Variants in TCP11L2 observed in about 807,000 individuals in gnomAD.
TCP11L2 encodes T-complex protein 11-like protein 2.
Under a neutral mutation model 50.7 loss-of-function variants are expected in TCP11L2, and 39 were observed. That is an observed-to-expected ratio of 0.77 (90% confidence interval 0.60 to 1.01). TCP11L2 has a LOEUF of 1.01. Ranked by LOEUF, TCP11L2 falls within the 50% of genes least tolerant of loss-of-function variation. The pLI is 0.00. For synonymous variants in TCP11L2, 192 were observed against 219.3 expected (o/e 0.88, Z 1.10); for missense variants, 612 against 614.7 (o/e 1.00, Z 0.05).
In TCP11L2 at chr12:106,311,176, A is replaced by G; in HGVS notation, c.101A>G (p.Glu34Gly). 1 of 1,614,172 alleles carries G rather than the reference A, an allele frequency of 6.2e-7. No homozygotes were observed. The highest frequency in any genetic ancestry group is 8.5e-7 in the Non-Finnish European group (1 of 1,180,034). The change falls in exon 2 of 10, where the codon GAA becomes GGA. Residue 34 changes from glutamate to glycine, a missense_variant. Transcript: ENST00000299045. ...AGCATGGCTTCGCTCAGTGACTATG[A>G]ATGCTCCAGGCAGAGCTTTGCAAGT... is the stretch of plus-strand genomic sequence containing the variant. Reference protein sequence around the residue: ...SESMASLSDYECSRQSFASDS... With the variant: ...SESMASLSDYGCSRQSFASDS...
chr12:106,329,339 A>G, intron 6 of TCP11L2: 4 of 1,536,122 alleles, frequency 2.6e-6, no homozygotes, highest in Non-Finnish European at 3.5e-6. Context: ...GGAAAAGCCG[A>G]GGTTGCAGGT....
intron 5 of TCP11L2, among the ~76,000 whole-genome samples, chr12:106,323,292 G>T (rs947898698): frequency 6.6e-6 from 1 of 152,062 alleles, no homozygotes; most frequent in Admixed American, 6.5e-5. Context: ...CATTAAGATT[G>T]TTTATGCTTC....
chr12:106,330,436 G>A, intron 6 of TCP11L2: 1 of 450,516 alleles, frequency 2.2e-6, no homozygotes, highest in Non-Finnish European at 2.9e-6. Context: ...TGGCAGGGCA[G>A]GGCGGGAGGC....
chr12:106,311,184 A>C lies in TCP11L2; in HGVS notation c.109A>C (p.Arg37=). 6.2e-7 allele frequency: 1 copy of C among 1,614,170 alleles called. No homozygotes were observed. The highest frequency in any genetic ancestry group is 8.5e-7 in the Non-Finnish European group (1 of 1,180,034). Residue 37 remains arginine (R), a synonymous_variant, in exon 2 of 10, where the codon AGG becomes CGG. Coordinates refer to ENST00000299045, the MANE Select transcript of TCP11L2 (RefSeq NM_152772.3). ...TTCGCTCAGTGACTATGAATGCTCCAGGCAGAGCTTTGCAAGTGACTCCTC... is the reference window on the plus strand; with the variant it reads ...TTCGCTCAGTGACTATGAATGCTCCCGGCAGAGCTTTGCAAGTGACTCCTC... ...MASLSDYECS[R]QSFASDSSSK...
intron 6 of TCP11L2, among the ~76,000 whole-genome samples, chr12:106,331,342 A>G (rs2035740190): frequency 6.6e-6 from 1 of 152,154 alleles, no homozygotes; most frequent in Non-Finnish European, 1.5e-5. Flanking sequence ...AAAAGAAAAG[A>G]AAAAAGCCAA....
In TCP11L2 at chr12:106,342,935, AT is replaced by A. The variant is rs1351538120; in HGVS notation, c.1315+1939del. Among the ~76,000 whole-genome samples the A allele has an allele frequency of 2.0e-5, 3 of 152,186 alleles. No individual in the cohort carries two copies. In the East Asian group the frequency reaches 5.8e-4, roughly 29 times the overall value. On this transcript the variant is annotated intron_variant, in intron 9 of 9. Coordinates refer to ENST00000299045, the MANE Select transcript of TCP11L2 (RefSeq NM_152772.3). ...GAAGAGGGAAGCTGAGGGCTAGGAGATTCCTCTTAAAATCTGGTAAAGCAAC... is the reference window on the plus strand; with the variant it reads ...GAAGAGGGAAGCTGAGGGCTAGGAGATCCTCTTAAAATCTGGTAAAGCAAC...
intron 3 of TCP11L2, among the ~76,000 whole-genome samples, chr12:106,316,652 T>G (rs1373057213): frequency 4.6e-5 from 7 of 152,176 alleles, no homozygotes; most frequent in African/African-American, 1.7e-4. Flanking sequence ...TGTACCACAT[T>G]GTCTTATTCT....
At chr12:106,338,785 T>C (rs2036000926) in intron 8 of TCP11L2, among the ~76,000 whole-genome samples, 1 of 152,200 alleles carries the variant, frequency 6.6e-6, no homozygotes, top group Non-Finnish European at 1.5e-5. Context: ...CCACCAGCAG[T>C]GTATAAGTGC....
intron 6 of TCP11L2, among the ~76,000 whole-genome samples, chr12:106,332,114 A>G (rs1464943369): frequency 6.6e-6 from 1 of 152,236 alleles, no homozygotes; most frequent in East Asian, 1.9e-4. Flanking sequence ...TGTGGTCGGT[A>G]CAGACTTGGG....
At chr12:106,298,912 G>T (rs1007304529), upstream of TCP11L2, among the ~76,000 whole-genome samples, 1 of 151,822 alleles carries the variant, frequency 6.6e-6, no homozygotes, top group African/African-American at 2.4e-5. Context: ...CTGCCTCCTG[G>T]GTTCAAGTGA....
intron 6 of TCP11L2, chr12:106,325,254 T>A (rs2035495609): frequency 6.6e-6 from 1 of 152,206 alleles, no homozygotes; most frequent in Non-Finnish European, 1.5e-5. Context: ...CATGTTCCTG[T>A]CCATTATATT....
At chr12:106,345,504 T>C (rs939494174) in intron 9 of TCP11L2, among the ~76,000 whole-genome samples, 3 of 152,228 alleles carry the variant, frequency 2.0e-5, no homozygotes, top group African/African-American at 7.2e-5. Flanking sequence ...ATCTCCTGAT[T>C]TTAAATGGCT....
chr12:106,335,271 C>T (rs993590700), intron 6 of TCP11L2, among the ~76,000 whole-genome samples: 2 of 152,224 alleles, frequency 1.3e-5, no homozygotes, highest in East Asian at 3.9e-4. Context: ...AACCACCCAT[C>T]CAATGCCATT....
intron 1 of TCP11L2, among the ~76,000 whole-genome samples, chr12:106,305,379 G>A (rs1191399060): frequency 6.6e-6 from 1 of 152,116 alleles, no homozygotes; most frequent in Admixed American, 6.5e-5. Flanking sequence ...TTAACCTCCT[G>A]GAACTGTGGG....
At chr12:106,314,658 TC>T in intron 3 of TCP11L2, among the ~76,000 whole-genome samples, 165 bp downstream of exon 3, 1 of 151,580 alleles carries the variant, frequency 6.6e-6, no homozygotes, top group Non-Finnish European at 1.5e-5. Context: ...TTGTATAATA[TC>T]CTCAGGGGTA....
At chr12:106,323,143 T>A (rs2035401931) in intron 5 of TCP11L2, among the ~76,000 whole-genome samples, 1 of 152,220 alleles carries the variant, frequency 6.6e-6, no homozygotes, top group African/African-American at 2.4e-5. Context: ...TGTTTTTTCC[T>A]CAGTGCCTCA....
chr12:106,337,749 A>G (rs1011002514), intron 8 of TCP11L2, among the ~76,000 whole-genome samples: 2 of 152,226 alleles, frequency 1.3e-5, no homozygotes, highest in African/African-American at 4.8e-5. Context: ...TTGTATTAAT[A>G]TCTACCTTGG....
At chr12:106,315,185 G>A (rs1463276736) in intron 3 of TCP11L2, among the ~76,000 whole-genome samples, 1 of 151,940 alleles carries the variant, frequency 6.6e-6, no homozygotes, top group Admixed American at 6.6e-5. Flanking sequence ...TCAGTGAGCC[G>A]AGATCGCACC....
intron 1 of TCP11L2, among the ~76,000 whole-genome samples, chr12:106,308,596 C>T (rs1348647016): frequency 6.6e-6 from 1 of 152,144 alleles, no homozygotes; most frequent in Non-Finnish European, 1.5e-5. Flanking sequence ...GCAGAGCATG[C>T]ATAGCACAGC....
Sources: allele counts gnomAD v4.1 joint callset (sites outside exome capture counted in the v4.1 genomes callset), GRCh38; gene constraint gnomAD v4.1.1; transcripts MANE v1.5; gene names NCBI Gene and HGNC (gene_info 2026-07-23, HGNC 2026-07-21).